Variants in TRAP1 observed in about 807,000 individuals in gnomAD.
TRAP1 encodes the protein TNF receptor associated protein 1, also known as heat shock protein 75 kDa, mitochondrial.
A neutral mutation model predicts 89.1 loss-of-function variants in TRAP1; 102 were observed. The ratio of observed to expected loss-of-function variants is 1.15; its 90% confidence interval spans 0.98 to 1.35. TRAP1 has a LOEUF of 1.35. TRAP1 is among the 40% of genes most tolerant of loss of function. TRAP1 has a pLI of 0.00. For synonymous variants in TRAP1, 508 were observed against 388.0 expected, an observed-to-expected ratio of 1.31 and a Z score of -3.64; for missense variants, 1,256 against 945.3, an observed-to-expected ratio of 1.33 and a Z score of -4.31.
intron 3 of TRAP1, among the ~76,000 whole-genome samples, chr16:3,686,441 C>T (rs550342743): frequency 6.6e-6 from 1 of 152,238 alleles, no homozygotes; most frequent in East Asian, 1.9e-4. Flanking sequence ...CCTCAGCCTC[C>T]TAAGTAGCTG....
intron 17 of TRAP1, chr16:3,658,492 G>C: frequency 1.7e-6 from 1 of 573,350 alleles, no homozygotes; most frequent in South Asian, 2.1e-5. Flanking sequence ...GACCATCCTG[G>C]CCAAGATGGT....
At chr16:3,692,286 A>G (rs1408611466) in intron 1 of TRAP1, among the ~76,000 whole-genome samples, 1 of 152,218 alleles carries the variant, frequency 6.6e-6, no homozygotes, top group African/African-American at 2.4e-5. Context: ...CCGTAAACCC[A>G]GCACTTTGGG....
At chr16:3,658,916 C>G in intron 16 of TRAP1, 51 bp from the exon 17 acceptor site, 1 of 1,578,198 alleles carries the variant, frequency 6.3e-7, no homozygotes, top group Non-Finnish European at 8.7e-7. Flanking sequence ...CGTGCTGTGA[C>G]CCTCCCTTCA....
At chr16:3,714,549 C>A (rs561120431) in intron 1 of TRAP1, among the ~76,000 whole-genome samples, 47 of 152,280 alleles carry the variant, frequency 3.1e-4, no homozygotes, top group Non-Finnish European at 6.0e-4. Flanking sequence ...GTCCCAGCTA[C>A]GTGGGAGGCG....
chr16:3,665,921 C>G (rs1360536222), intron 12 of TRAP1, 50 bp downstream of exon 12: 2 of 1,583,132 alleles, frequency 1.3e-6, no homozygotes, highest in Non-Finnish European at 1.7e-6. Context: ...TCCTCAGCAG[C>G]CCCAGGGACA....
intron 1 of TRAP1, among the ~76,000 whole-genome samples, chr16:3,716,483 C>T (rs760825253): frequency 7.9e-5 from 12 of 152,166 alleles, no homozygotes; most frequent in Non-Finnish European, 1.8e-4. Context: ...AAACAAATGA[C>T]ACGTCCATCA....
At chr16:3,668,634 T>C (rs1214979024) in intron 11 of TRAP1, among the ~76,000 whole-genome samples, 3 of 152,034 alleles carry the variant, frequency 2.0e-5, no homozygotes, top group Non-Finnish European at 1.5e-5. Flanking sequence ...TCGAGATGAG[T>C]TCTCAGACTG....
intron 5 of TRAP1, among the ~76,000 whole-genome samples, chr16:3,678,979 C>T (rs540809293): frequency 1.3e-5 from 2 of 152,098 alleles, no homozygotes; most frequent in South Asian, 2.1e-4. Flanking sequence ...GTGATGAGAA[C>T]GGGCTTGGGA....
chr16:3,690,813 C>A lies in TRAP1; in HGVS notation c.247+14G>T. The A allele has an allele frequency of 7.2e-7, 1 of 1,380,946 alleles. No homozygotes were observed. The allele number at this position is 1,380,946 out of a possible 1,614,324, so 85.5% of individuals were successfully genotyped here. A position where few individuals can be genotyped will look rare whatever the true frequency, so the allele number is the denominator to read the frequency against. ...CAAAAAGCCCTCCCAGACCAAAGCACGAGCCAAGGCTACCCTGCACGCTCT... is the reference window on the plus strand; with the variant it reads ...CAAAAAGCCCTCCCAGACCAAAGCAAGAGCCAAGGCTACCCTGCACGCTCT... On this transcript the variant is annotated intron_variant, in intron 2 of 17. Coordinates refer to ENST00000246957, the MANE Select transcript of TRAP1 (RefSeq NM_016292.3).
chr16:3,692,413 G>A lies in TRAP1; in HGVS notation c.89-1428C>T, dbSNP rs542453847. On this transcript the variant is annotated intron_variant, in intron 1 of 17. Transcript: ENST00000246957. ...TAGCCGGGCATGGTGGCAGGCACCTGTAATCCCAGCTACTCGGGAGACTGA... is the reference window on the plus strand; with the variant it reads ...TAGCCGGGCATGGTGGCAGGCACCTATAATCCCAGCTACTCGGGAGACTGA... Among the ~76,000 whole-genome samples, 7 of 151,746 alleles carry A rather than the reference G, an allele frequency of 4.6e-5. No individual in the cohort carries two copies. The East Asian group carries it at 1.4e-3, about 30-fold the overall frequency.
intron 16 of TRAP1, chr16:3,660,338 C>G (rs1233857963): frequency 1.3e-5 from 2 of 152,178 alleles, no homozygotes; most frequent in Middle Eastern, 3.2e-3. Context: ...AATTTTAAAA[C>G]AAATGAAAGT....
At chr16:3,658,977 G>A in intron 16 of TRAP1, 112 bp from the exon 17 acceptor site, 2 of 1,065,330 alleles carry the variant, frequency 1.9e-6, no homozygotes, top group South Asian at 1.5e-5. Flanking sequence ...ACTGTCTGTA[G>A]TTTTTTAAAT....
At chr16:3,712,413 T>TG (rs1262109795) in intron 1 of TRAP1, among the ~76,000 whole-genome samples, 4 of 149,430 alleles carry the variant, frequency 2.7e-5, no homozygotes, top group African/African-American at 9.9e-5. Context: ...TTTACTGACA[T>TG]GGGGGGCAGG....
intron 16 of TRAP1, chr16:3,659,456 G>A (rs1339823805): frequency 1.3e-5 from 2 of 152,264 alleles, no homozygotes; most frequent in East Asian, 3.9e-4. Context: ...CATCTCAGAA[G>A]GGGAAAGCCT....
rs1005142623 is a variant in TRAP1, at chr16:3,662,254, C to G, written c.1795-122G>C. 1.2e-5 allele frequency: 15 copies of G among 1,205,150 alleles called. No individual in the cohort carries two copies. The African/African-American group carries it at 2.1e-4, about 17-fold the overall frequency. 74.7% of individuals were successfully genotyped at this position (1,205,150 alleles called of 1,614,324 possible). Reference sequence around the variant, plus strand: ...TAGCAGGCGGGGTCTCAAGGACTCCCCTGGACCAGCGCTGCTCCCTCCCCA... The same window carrying G: ...TAGCAGGCGGGGTCTCAAGGACTCCGCTGGACCAGCGCTGCTCCCTCCCCA... On this transcript the variant is annotated intron_variant, in intron 15 of 17. Transcript: ENST00000246957.
intron 7 of TRAP1, 23 bp from the exon 8 acceptor site, chr16:3,675,420 C>T (rs775535798): frequency 3.1e-6 from 5 of 1,612,344 alleles, no homozygotes; most frequent in Non-Finnish European, 3.4e-6. Context: ...AAAGAAAAAC[C>T]ACACTGCATC....
intron 4 of TRAP1, among the ~76,000 whole-genome samples, chr16:3,685,488 C>T (rs567791110): frequency 1.4e-4 from 22 of 152,174 alleles, no homozygotes; most frequent in African/African-American, 5.3e-4. Flanking sequence ...GACACCCCCG[C>T]AATGACGCCG....
At position 3,676,174 on chromosome 16, in the gene TRAP1, G is replaced by C. The variant is rs377497965; in HGVS notation, c.705-29C>G. On this transcript the variant is annotated intron_variant, in intron 6 of 17. Coordinates refer to ENST00000246957, the MANE Select transcript of TRAP1 (RefSeq NM_016292.3). ...AGGCAGGCAAAGAAAGGAAAAGCCA[G>C]GTGGATGTGACACTGGGACATACCC... 8.7e-6 allele frequency: 14 copies of C among 1,602,934 alleles called. No homozygotes were observed. In the African/African-American group the frequency reaches 1.9e-4, roughly 21 times the overall value.
At chr16:3,696,054 G>C (rs1257971515) in intron 1 of TRAP1, among the ~76,000 whole-genome samples, 6 of 152,130 alleles carry the variant, frequency 3.9e-5, no homozygotes, top group Admixed American at 1.3e-4. Flanking sequence ...GGGCCCAGGC[G>C]CGATGACCCC....
Sources: allele counts gnomAD v4.1 joint callset (sites outside exome capture counted in the v4.1 genomes callset), GRCh38; gene constraint gnomAD v4.1.1; transcripts MANE v1.5; gene names NCBI Gene and HGNC (gene_info 2026-07-23, HGNC 2026-07-21).